The following FER variants were observed in gnomAD, a reference collection of about 807,000 sequenced individuals.
The protein encoded by FER is tyrosine-protein kinase Fer.
Under a neutral mutation model 111.0 loss-of-function variants are expected in FER, and 63 were observed. The ratio of observed to expected loss-of-function variants is 0.57; its 90% CI spans 0.46 to 0.70. The LOEUF is 0.70. Ranked by LOEUF, FER falls within the 30% of genes least tolerant of loss-of-function variation. The pLI, the probability that FER is intolerant of heterozygous loss-of-function variation, is 0.00. For missense variants in FER, 914 were observed against 954.0 expected, an observed-to-expected ratio of 0.96 and a Z score of 0.55; for synonymous variants, 327 against 313.9, an observed-to-expected ratio of 1.04 and a Z score of -0.44.
At chr5:108,792,463 G>C (rs755138648) in intron 2 of FER, among the ~76,000 whole-genome samples, 1 of 151,676 alleles carries the variant, frequency 6.6e-6, no homozygotes, top group South Asian at 2.1e-4. Context: ...CTCAGCCTCC[G>C]AGTAGCTGGG....
At chr5:108,760,771 A>G (rs978654740) in intron 1 of FER, among the ~76,000 whole-genome samples, 4 of 152,114 alleles carry the variant, frequency 2.6e-5, no homozygotes, top group African/African-American at 9.7e-5. Flanking sequence ...ATCTATCTAG[A>G]CTACTGAAAC....
At chr5:109,172,203 T>C (rs1757182078) in intron 17 of FER, among the ~76,000 whole-genome samples, 1 of 151,950 alleles carries the variant, frequency 6.6e-6, no homozygotes, top group South Asian at 2.1e-4. Context: ...ATTGCGGCAC[T>C]ATTCACAATA....
At chr5:109,053,810 C>T (rs1032427187) in intron 16 of FER, among the ~76,000 whole-genome samples, 1 of 151,266 alleles carries the variant, frequency 6.6e-6, no homozygotes, top group Non-Finnish European at 1.5e-5. Flanking sequence ...CCTGCCTCAG[C>T]CTCCCGAGTA....
intron 5 of FER, among the ~76,000 whole-genome samples, chr5:108,867,050 A>C (rs555152099): frequency 6.6e-6 from 1 of 152,090 alleles, no homozygotes; most frequent in Non-Finnish European, 1.5e-5. Context: ...TATTTCTTCA[A>C]CTTTCTCAAA....
chr5:109,132,242 C>T (rs1752431945), intron 17 of FER, among the ~76,000 whole-genome samples: 1 of 152,016 alleles, frequency 6.6e-6, no homozygotes, highest in African/African-American at 2.4e-5. Context: ...ATATTATGGG[C>T]TGTGATTTCT....
At chr5:108,890,891 A>T (rs1044044006) in intron 9 of FER, among the ~76,000 whole-genome samples, 3 of 152,118 alleles carry the variant, frequency 2.0e-5, no homozygotes, top group Non-Finnish European at 2.9e-5. Context: ...CATAAGTTAC[A>T]ATTTTTCTGG....
intron 3 of FER, among the ~76,000 whole-genome samples, chr5:108,827,908 A>G (rs565773354): frequency 6.8e-6 from 1 of 148,124 alleles, no homozygotes; most frequent in East Asian, 2.0e-4. Flanking sequence ...AGCTCACTGT[A>G]ACCTCAAACT....
At chr5:108,765,841 C>A (rs911245457) in intron 1 of FER, among the ~76,000 whole-genome samples, 1 of 151,926 alleles carries the variant, frequency 6.6e-6, no homozygotes, top group African/African-American at 2.4e-5. Flanking sequence ...CCTCAGAAAG[C>A]TGTATGAGTA....
intron 5 of FER, among the ~76,000 whole-genome samples, chr5:108,843,180 C>G (rs1761454898): frequency 6.6e-6 from 1 of 152,170 alleles, no homozygotes. Flanking sequence ...TTTTCCGTTC[C>G]TGGATTACTT....
chr5:108,897,767 G>A lies in FER; in HGVS notation c.1155G>A (p.Glu385=). The A allele has an allele frequency of 1.2e-6, 2 of 1,613,544 alleles. No homozygotes were observed. Among genetic ancestry groups the A allele is most frequent in the Non-Finnish European group, 1.7e-6 (2 of 1,179,714 alleles). Residue 385 remains glutamate (E), a synonymous_variant, in exon 10 of 20, where the codon GAG becomes GAA. Transcript: ENST00000281092. ...TTTCAGCACAGAAGGAATTACTAGA[G>A]CAAAAAGTGCAAGAAAATGATGGGA... is the stretch of plus-strand genomic sequence containing the variant. ...AKFSAQKELL[E]QKVQENDGKE...
chr5:108,824,911 G>A (rs113729167), intron 3 of FER, among the ~76,000 whole-genome samples: 1 of 151,604 alleles, frequency 6.6e-6, no homozygotes, highest in East Asian at 1.9e-4. Context: ...TTGGGCATCC[G>A]GGGGAGACAT....
At chr5:108,821,598 A>G (rs1173822737) in intron 3 of FER, among the ~76,000 whole-genome samples, 1 of 151,924 alleles carries the variant, frequency 6.6e-6, no homozygotes, top group Non-Finnish European at 1.5e-5. Flanking sequence ...TTTATTTTTC[A>G]TCCAATTTTG....
chr5:108,982,691 C>G (rs961329070), intron 13 of FER, among the ~76,000 whole-genome samples: 2 of 151,974 alleles, frequency 1.3e-5, no homozygotes, highest in Admixed American at 6.6e-5. Flanking sequence ...AATTATAATT[C>G]TTAAACCTAT....
rs1385312907 is a variant in FER at position 108,954,813 on chromosome 5, G to A, written c.1414G>A (p.Glu472Lys). ...TGCAATTCCCAGAATAGAAGCTCAAGAACTGTTAAAAAAACAAGGAGACTT... is the reference window on the plus strand; with the variant it reads ...TGCAATTCCCAGAATAGAAGCTCAAAAACTGTTAAAAAAACAAGGAGACTT... ...HGAIPRIEAQ[E>K]LLKKQGDFLV... The change falls in exon 12 of 20, where the codon GAA becomes AAA. Residue 472 changes from glutamate to lysine, a missense_variant. Coordinates refer to ENST00000281092, the MANE Select transcript of FER (RefSeq NM_005246.4). The A allele has an allele frequency of 6.2e-7, 1 of 1,612,252 alleles. No individual in the cohort carries two copies. Among genetic ancestry groups the A allele is most frequent in the Admixed American group, 1.7e-5 (1 of 59,894 alleles).
At chr5:108,777,748 TGGTGGAAGGCAA>T (rs975845735) in intron 2 of FER, among the ~76,000 whole-genome samples, 16 of 152,158 alleles carry the variant, frequency 1.1e-4, no homozygotes, top group African/African-American at 3.9e-4. Context: ...CTCACAATCA[TGGTGGAAGGCAA>T]GGAGGAGCAA....
intron 5 of FER, among the ~76,000 whole-genome samples, chr5:108,853,657 G>A (rs1300848051): frequency 6.6e-6 from 1 of 152,114 alleles, no homozygotes; most frequent in East Asian, 1.9e-4. Context: ...ATACCTTTTT[G>A]TCTATAACTG....
chr5:109,194,241 CT>C lies in FER; in HGVS notation c.*6668del, dbSNP rs747906309. The C allele has an allele frequency of 6.6e-6, 1 of 152,170 alleles. No homozygotes were observed. The highest frequency in any genetic ancestry group is 6.5e-5 in the Admixed American group (1 of 15,276). 9.4% of individuals were successfully genotyped at this position (152,170 alleles called of 1,614,324 possible). On this transcript the variant is annotated 3_prime_UTR_variant, in exon 20 of 20. Transcript: ENST00000281092. ...CTTTTGTTGTTTTCTTCACACTCCT[CT>C]TGGCAGCAAATGTCTGAAAGTATTT...
intron 13 of FER, among the ~76,000 whole-genome samples, chr5:109,016,791 C>G (rs964660071): frequency 6.6e-6 from 1 of 151,934 alleles, no homozygotes; most frequent in East Asian, 1.9e-4. Context: ...GAATTAAGTT[C>G]CTCTCAGATT....
chr5:108,913,590 A>G (rs769079575), intron 10 of FER, among the ~76,000 whole-genome samples: 3 of 152,216 alleles, frequency 2.0e-5, no homozygotes, highest in Non-Finnish European at 2.9e-5. Context: ...TGGAAAGCCT[A>G]TTGGGCAGTG....
Sources: allele counts gnomAD v4.1 joint callset (sites outside exome capture counted in the v4.1 genomes callset), GRCh38; gene constraint gnomAD v4.1.1; transcripts MANE v1.5; gene names NCBI Gene and HGNC (gene_info 2026-07-23, HGNC 2026-07-21).